Variants in SLIT3 observed in about 807,000 individuals in gnomAD.
SLIT3 encodes the protein slit homolog 3 protein.
Under a neutral mutation model 184.0 loss-of-function variants are expected in SLIT3, and 68 were observed. The ratio of observed to expected loss-of-function variants is 0.37; its 90% confidence interval spans 0.30 to 0.45. The LOEUF is 0.45. Among genes scored for constraint, SLIT3 ranks in the 20% least tolerant of loss-of-function variants. The pLI, the probability that SLIT3 is intolerant of heterozygous loss-of-function variation, is 1.00. For missense variants in SLIT3, 1,707 were observed against 2,026.0 expected (o/e 0.84, Z 3.02); for synonymous variants, 831 against 828.6 (o/e 1.00, Z -0.05).
At chr5:168,874,392 G>C (rs936326615) in intron 5 of SLIT3, among the ~76,000 whole-genome samples, 2 of 152,096 alleles carry the variant, frequency 1.3e-5, no homozygotes, top group African/African-American at 4.8e-5. Flanking sequence ...TCTTTGTTCT[G>C]CAAGTCATTT....
At chr5:168,974,902 G>A (rs1463662115) in intron 4 of SLIT3, among the ~76,000 whole-genome samples, 1 of 152,200 alleles carries the variant, frequency 6.6e-6, no homozygotes, top group Admixed American at 6.5e-5. Flanking sequence ...CCCGGAGAAT[G>A]GGGAAAGGAC....
chr5:168,933,182 T>C (rs576057707), intron 4 of SLIT3, among the ~76,000 whole-genome samples: 1 of 152,266 alleles, frequency 6.6e-6, no homozygotes, highest in African/African-American at 2.4e-5. Flanking sequence ...AACATTAGCA[T>C]ATGAGAAAGG....
At chr5:169,145,195 A>G (rs1483034888) in intron 4 of SLIT3, among the ~76,000 whole-genome samples, 4 of 152,194 alleles carry the variant, frequency 2.6e-5, no homozygotes, top group Non-Finnish European at 4.4e-5. Context: ...AGACCTGACC[A>G]GAATTGCCGG....
intron 4 of SLIT3, among the ~76,000 whole-genome samples, chr5:169,067,879 G>A (rs1758413416): frequency 6.6e-6 from 1 of 152,244 alleles, no homozygotes; most frequent in Non-Finnish European, 1.5e-5. Flanking sequence ...GCCAGCGGCT[G>A]CTAACGCTCA....
chr5:169,125,463 T>C (rs1761046566), intron 4 of SLIT3, among the ~76,000 whole-genome samples: 2 of 152,330 alleles, frequency 1.3e-5, no homozygotes, highest in Non-Finnish European at 2.9e-5. Context: ...ATATAACCTA[T>C]TAACAAAAAG....
intron 4 of SLIT3, among the ~76,000 whole-genome samples, chr5:169,084,454 A>ATTTTTTTTT (rs56062027): frequency 3.0e-5 from 3 of 101,416 alleles, no homozygotes; most frequent in Non-Finnish European, 3.9e-5. Flanking sequence ...CCATGCCCAG[A>ATTTTTTTTT]TTTTTTTTTT....
At chr5:168,983,395 C>T (rs1305472528) in intron 4 of SLIT3, among the ~76,000 whole-genome samples, 1 of 152,246 alleles carries the variant, frequency 6.6e-6, no homozygotes, top group Non-Finnish European at 1.5e-5. Flanking sequence ...TTCACCTAAG[C>T]CCTGCAATCC....
chr5:169,135,671 T>C (rs74854211), intron 4 of SLIT3, among the ~76,000 whole-genome samples: 8,129 of 152,266 alleles, frequency 0.053, 254 homozygotes, highest in Middle Eastern at 0.11. Flanking sequence ...TACATATCTC[T>C]TTCTGTGGGA....
At chr5:169,249,125 G>A (rs546558047) in intron 2 of SLIT3, among the ~76,000 whole-genome samples, 51 of 152,244 alleles carry the variant, frequency 3.3e-4, no homozygotes, top group African/African-American at 1.1e-3. Flanking sequence ...AAAAAGAATC[G>A]ATTGAGGAAA....
intron 1 of SLIT3, among the ~76,000 whole-genome samples, chr5:169,296,811 A>C (rs951654227): frequency 4.6e-5 from 7 of 152,220 alleles, no homozygotes; most frequent in Non-Finnish European, 1.0e-4. Context: ...ATTTAAATAC[A>C]GCAGTCTCCA....
chr5:168,991,479 C>T (rs1755326144), intron 4 of SLIT3, among the ~76,000 whole-genome samples: 2 of 152,212 alleles, frequency 1.3e-5, no homozygotes, highest in African/African-American at 2.4e-5. Context: ...GGCCACAGCC[C>T]TCTAGAAGCT....
chr5:169,161,211 C>T (rs928078371), intron 4 of SLIT3, among the ~76,000 whole-genome samples: 5 of 152,194 alleles, frequency 3.3e-5, no homozygotes, highest in African/African-American at 9.6e-5. Flanking sequence ...TCTCCTGACC[C>T]CTGGCAGGGT....
intron 4 of SLIT3, 105 bp from the exon 5 acceptor site, chr5:168,883,441 G>T (rs546338820): frequency 1.2e-6 from 1 of 838,490 alleles, no homozygotes; most frequent in Non-Finnish European, 2.0e-6. Context: ...CTGCCTCTGC[G>T]GTCAGAGTGT....
chr5:168,850,010 A>G (rs533343870), intron 5 of SLIT3, among the ~76,000 whole-genome samples: 29 of 152,322 alleles, frequency 1.9e-4, no homozygotes, highest in Middle Eastern at 3.4e-3. Flanking sequence ...ATTCTAAAAA[A>G]TCATTATTGA....
chr5:168,670,495 G>A (rs1761203657), intron 34 of SLIT3, among the ~76,000 whole-genome samples: 1 of 152,140 alleles, frequency 6.6e-6, no homozygotes, highest in Admixed American at 6.5e-5. Flanking sequence ...TGAAGGTAAA[G>A]CCTATATTCT....
intron 4 of SLIT3, among the ~76,000 whole-genome samples, chr5:169,057,385 A>G (rs17070780): frequency 0.023 from 3,437 of 152,302 alleles, 124 homozygotes; most frequent in African/African-American, 0.079. Flanking sequence ...CCTTTTCTGG[A>G]AGCCCGCTTT....
At chr5:168,948,966 C>A (rs982931529) in intron 4 of SLIT3, among the ~76,000 whole-genome samples, 22 of 152,214 alleles carry the variant, frequency 1.4e-4, no homozygotes, top group Admixed American at 1.3e-4. Context: ...ACTAGCTTAG[C>A]AGTTCCCACA....
intron 4 of SLIT3, among the ~76,000 whole-genome samples, chr5:169,022,440 C>A (rs558759272): frequency 1.1e-4 from 16 of 152,132 alleles, no homozygotes; most frequent in Non-Finnish European, 2.1e-4. Context: ...TTTGCAAGTG[C>A]CTGCTATTTA....
At chr5:169,125,383 C>T (rs574583538) in intron 4 of SLIT3, among the ~76,000 whole-genome samples, 19 of 152,336 alleles carry the variant, frequency 1.2e-4, no homozygotes, top group Non-Finnish European at 2.2e-4. Context: ...TAGCCACCTG[C>T]ATGCCATGGA....
Sources: allele counts gnomAD v4.1 joint callset (sites outside exome capture counted in the v4.1 genomes callset), GRCh38; gene constraint gnomAD v4.1.1; transcripts MANE v1.5; gene names NCBI Gene and HGNC (gene_info 2026-07-23, HGNC 2026-07-21).